ENTPD1: variants seen among roughly 807,000 people sequenced by gnomAD.
ENTPD1 encodes ectonucleoside triphosphate diphosphohydrolase 1, also known as ATP diphosphohydrolase.
ENTPD1 carries 33 observed loss-of-function variants against 57.0 expected under a neutral mutation model. The observed-to-expected ratio is 0.58, with a 90% CI of 0.44 to 0.77. The LOEUF is 0.77. Among genes scored for constraint, ENTPD1 ranks in the 30% least tolerant of loss-of-function variants. ENTPD1 has a pLI of 0.00. For missense variants in ENTPD1, 501 were observed against 603.4 expected (o/e 0.83, Z 1.78); for synonymous variants, 202 against 218.8 (o/e 0.92, Z 0.68).
chr10:95,793,711 T>C (rs1461168340), intron 1 of ENTPD1, among the ~76,000 whole-genome samples: 1 of 152,066 alleles, frequency 6.6e-6, no homozygotes, highest in Non-Finnish European at 1.5e-5. Flanking sequence ...TGGTTAAGAA[T>C]TGGATTAGAG....
intron 1 of ENTPD1, among the ~76,000 whole-genome samples, chr10:95,741,161 T>C (rs2097999943): frequency 6.6e-6 from 1 of 152,194 alleles, no homozygotes; most frequent in Admixed American, 6.5e-5. Flanking sequence ...TTTCTAACTT[T>C]TGATTTCCAG....
chr10:95,856,651 C>CATATAT (rs66753059), intron 7 of ENTPD1, among the ~76,000 whole-genome samples: 1,960 of 142,150 alleles, frequency 0.014, 35 homozygotes, highest in Admixed American at 0.045. Context: ...TATATGTATG[C>CATATAT]ATATATATAT....
At chr10:95,780,228 C>G (rs983484775) in intron 1 of ENTPD1, among the ~76,000 whole-genome samples, 1 of 152,116 alleles carries the variant, frequency 6.6e-6, no homozygotes, top group African/African-American at 2.4e-5. Context: ...CATTGTAGCA[C>G]TATTCACAAT....
chr10:95,746,227 G>T (rs1016594984), intron 1 of ENTPD1, among the ~76,000 whole-genome samples: 1 of 152,188 alleles, frequency 6.6e-6, no homozygotes, highest in African/African-American at 2.4e-5. Flanking sequence ...AAGAGGAAGA[G>T]AACTCACCCT....
upstream of ENTPD1, among the ~76,000 whole-genome samples, chr10:95,707,411 G>T (rs918708783): frequency 6.6e-6 from 1 of 152,220 alleles, no homozygotes; most frequent in Non-Finnish European, 1.5e-5. Flanking sequence ...CCTCCCACTG[G>T]CTCCATGGAG....
At chr10:95,777,943 C>T (rs140377658) in intron 1 of ENTPD1, among the ~76,000 whole-genome samples, 103 of 152,294 alleles carry the variant, frequency 6.8e-4, no homozygotes, top group African/African-American at 1.9e-3. Context: ...GCATGGGATC[C>T]GCTGAACCAT....
At chr10:95,803,435 G>C (rs1037709535) in intron 1 of ENTPD1, among the ~76,000 whole-genome samples, 6 of 152,188 alleles carry the variant, frequency 3.9e-5, no homozygotes, top group Non-Finnish European at 7.3e-5. Flanking sequence ...TTGTGGTTTT[G>C]ATTTGCATTT....
At chr10:95,740,840 T>C (rs2097999659) in intron 1 of ENTPD1, among the ~76,000 whole-genome samples, 1 of 152,074 alleles carries the variant, frequency 6.6e-6, no homozygotes, top group African/African-American at 2.4e-5. Context: ...GGCTTCTGAC[T>C]TTTCTTCTGC....
At chr10:95,836,264 C>T (rs943128223) in intron 2 of ENTPD1, among the ~76,000 whole-genome samples, 3 of 152,120 alleles carry the variant, frequency 2.0e-5, no homozygotes, top group Non-Finnish European at 2.9e-5. Context: ...ATGCCTCTGG[C>T]TTTATCCTTT....
At chr10:95,818,604 T>A (rs1329507599) in intron 1 of ENTPD1, among the ~76,000 whole-genome samples, 1 of 152,152 alleles carries the variant, frequency 6.6e-6, no homozygotes, top group Non-Finnish European at 1.5e-5. Context: ...GGGATGTGGA[T>A]ATCACTATAG....
intron 1 of ENTPD1, among the ~76,000 whole-genome samples, chr10:95,725,885 A>G (rs1246325067): frequency 1.3e-5 from 2 of 152,210 alleles, no homozygotes; most frequent in African/African-American, 4.8e-5. Flanking sequence ...CCCAACTGGA[A>G]CTACAAAACC....
chr10:95,870,373 C>T lies in ENTPD1; in HGVS notation c.*3990C>T, dbSNP rs1590229619. ...GATCATGGCTCACTGCAGCCTCGAC[C>T]TCCCAAGCTCAAGCAAGGCTACAGG... is the stretch of plus-strand genomic sequence containing the variant. On this transcript the variant is annotated 3_prime_UTR_variant, in exon 10 of 10. Coordinates refer to ENST00000371205, the MANE Select transcript of ENTPD1 (RefSeq NM_001776.6). 1 of 865,306 alleles carries T rather than the reference C, an allele frequency of 1.2e-6. No individual in the cohort carries two copies. Among genetic ancestry groups the T allele is most frequent in the Non-Finnish European group, 1.4e-6 (1 of 720,672 alleles). The allele number at this position is 865,306 out of a possible 1,614,324, so 53.6% of individuals were successfully genotyped here.
intron 1 of ENTPD1, among the ~76,000 whole-genome samples, chr10:95,789,834 A>G (rs1484383133): frequency 6.6e-6 from 1 of 152,228 alleles, no homozygotes; most frequent in Non-Finnish European, 1.5e-5. Context: ...ATTACATACT[A>G]TACTACTGTA....
chr10:95,709,974 A>G (rs2097964223), upstream of ENTPD1, among the ~76,000 whole-genome samples: 1 of 151,644 alleles, frequency 6.6e-6, no homozygotes, highest in Non-Finnish European at 1.5e-5. Context: ...GGGTTTCACC[A>G]TGTTGACCAG....
chr10:95,860,396 T>C, intron 7 of ENTPD1, 73 bp from the exon 8 acceptor site: 2 of 1,224,284 alleles, frequency 1.6e-6, no homozygotes, highest in Admixed American at 3.9e-5. Context: ...GCACAAGGGA[T>C]GCGGCCTTTA....
chr10:95,773,175 A>T (rs1476040711), intron 1 of ENTPD1, among the ~76,000 whole-genome samples: 1 of 152,152 alleles, frequency 6.6e-6, no homozygotes, highest in Admixed American at 6.6e-5. Flanking sequence ...TGATCTATGC[A>T]TGAGGGATCT....
At chr10:95,735,838 C>A (rs2097994099) in intron 1 of ENTPD1, among the ~76,000 whole-genome samples, 1 of 152,050 alleles carries the variant, frequency 6.6e-6, no homozygotes. Context: ...CTCAGGTGAT[C>A]CACCCACCTT....
chr10:95,706,028 G>A, the ENTPD1 span, among the ~76,000 whole-genome samples: 22 of 152,240 alleles, frequency 1.4e-4, no homozygotes, highest in African/African-American at 5.1e-4. Context: ...GAGCCTGGGA[G>A]GTCAAGGCTG....
chr10:95,796,512 G>GA (rs548928145), intron 1 of ENTPD1, among the ~76,000 whole-genome samples: 3 of 151,982 alleles, frequency 2.0e-5, no homozygotes, highest in African/African-American at 7.2e-5. Context: ...AGGAGGATAG[G>GA]AAAAAAAGAC....
Sources: allele counts gnomAD v4.1 joint callset (sites outside exome capture counted in the v4.1 genomes callset), GRCh38; gene constraint gnomAD v4.1.1; transcripts MANE v1.5; gene names NCBI Gene and HGNC (gene_info 2026-07-23, HGNC 2026-07-21).